Variants in NRG1 observed in about 807,000 individuals in gnomAD.
The protein encoded by NRG1 is neuregulin 1, also known as pro-neuregulin-1, membrane-bound isoform.
In NRG1, 18 loss-of-function variants were observed where a neutral mutation model predicts 63.8. The ratio of observed to expected loss-of-function variants is 0.28; its 90% CI spans 0.19 to 0.42. The LOEUF (loss-of-function observed/expected upper bound fraction) is 0.42. Ranked by LOEUF, NRG1 falls within the 10% of genes least tolerant of loss-of-function variation. The pLI is 1.00. For missense variants in NRG1, 762 were observed against 814.7 expected (o/e 0.94, Z 0.79); for synonymous variants, 302 against 301.3 (o/e 1.00, Z -0.02).
chr8:32,709,332 C>A (rs1391612320), intron 5 of NRG1, among the ~76,000 whole-genome samples: 2 of 152,142 alleles, frequency 1.3e-5, no homozygotes, highest in African/African-American at 4.8e-5. Flanking sequence ...TTCTGTGATT[C>A]TCAGATTTCT....
chr8:31,855,902 G>A (rs1275920590), intron 1 of NRG1, among the ~76,000 whole-genome samples: 1 of 151,912 alleles, frequency 6.6e-6, no homozygotes, highest in Non-Finnish European at 1.5e-5. Flanking sequence ...GAAATTCTGG[G>A]TTGAAAATTC....
intron 1 of NRG1, among the ~76,000 whole-genome samples, chr8:32,421,146 T>C (rs1816659596): frequency 6.6e-6 from 1 of 152,214 alleles, no homozygotes; most frequent in African/African-American, 2.4e-5. Context: ...TACACTCATC[T>C]TTTGAATACA....
intron 1 of NRG1, among the ~76,000 whole-genome samples, chr8:32,284,967 A>G (rs1377176587): frequency 6.6e-6 from 1 of 152,180 alleles, no homozygotes; most frequent in Non-Finnish European, 1.5e-5. Context: ...TTGGTGGTGG[A>G]TAACATTTTC....
At chr8:32,650,045 A>G (rs1854656637) in intron 5 of NRG1, among the ~76,000 whole-genome samples, 1 of 152,226 alleles carries the variant, frequency 6.6e-6, no homozygotes, top group South Asian at 2.1e-4. Context: ...AAAACACTTC[A>G]ACTAAATTCT....
intron 1 of NRG1, chr8:32,221,276 T>A (rs1005929699): frequency 6.6e-6 from 1 of 152,184 alleles, no homozygotes; most frequent in African/African-American, 2.4e-5. Flanking sequence ...TAGCATGCAT[T>A]TTGTCATCCA....
Position 31,882,411 on chromosome 8 carries a change from C to T in NRG1, c.37+242980C>T, listed in dbSNP as rs188128639. On this transcript the variant is annotated intron_variant, in intron 1 of 10. Coordinates refer to the NRG1 transcript ENST00000519301. ...CAATACACCTGGTCACTCAAGAGCT[C>T]TGATGGAGATGTACAAGAAGGTGAA... Among the ~76,000 whole-genome samples the T allele has an allele frequency of 5.1e-4, 77 of 150,884 alleles. 1 individual carries two copies. Among genetic ancestry groups the T allele is most frequent in the African/African-American group, 1.6e-3 (67 of 41,008 alleles).
chr8:31,662,261 C>T (rs955026952), intron 1 of NRG1, among the ~76,000 whole-genome samples: 3 of 152,146 alleles, frequency 2.0e-5, no homozygotes, highest in Non-Finnish European at 2.9e-5. Flanking sequence ...AGCATTTGTG[C>T]ACTTTTCTTC....
At chr8:32,306,566 G>A (rs10098372) in intron 1 of NRG1, among the ~76,000 whole-genome samples, 7,781 of 152,084 alleles carry the variant, frequency 0.051, 503 homozygotes, top group African/African-American at 0.15. Flanking sequence ...ATGACACTGT[G>A]GTTTATTAAA....
chr8:31,719,590 A>T (rs984713627), intron 1 of NRG1, among the ~76,000 whole-genome samples: 2 of 152,200 alleles, frequency 1.3e-5, no homozygotes, highest in African/African-American at 4.8e-5. Context: ...CTTTGAAAGC[A>T]TCAAATCGCT....
chr8:32,445,569 CCT>C (rs1243039900), intron 1 of NRG1, among the ~76,000 whole-genome samples: 3 of 152,040 alleles, frequency 2.0e-5, no homozygotes, highest in Non-Finnish European at 4.4e-5. Context: ...AAATATTAGC[CCT>C]GATTCAAAAT....
intron 1 of NRG1, among the ~76,000 whole-genome samples, chr8:32,307,202 A>T (rs1189811425): frequency 1.3e-5 from 2 of 152,222 alleles, no homozygotes; most frequent in Non-Finnish European, 2.9e-5. Flanking sequence ...GACCCTCTTT[A>T]TCCCGGAGAG....
chr8:32,317,118 C>G (rs1427719828), intron 1 of NRG1, among the ~76,000 whole-genome samples: 1 of 152,170 alleles, frequency 6.6e-6, no homozygotes, highest in South Asian at 2.1e-4. Flanking sequence ...ACGTTCTCTC[C>G]ATGATTTAGC....
chr8:32,304,026 A>G (rs1212730001), intron 1 of NRG1, among the ~76,000 whole-genome samples: 1 of 152,208 alleles, frequency 6.6e-6, no homozygotes, highest in Non-Finnish European at 1.5e-5. Context: ...GTTGACTACA[A>G]AAAAAACTCA....
rs536557456 is a variant in NRG1 at position 32,193,951 on chromosome 8, G to A, written c.38-401877G>A. Reference sequence around the variant, plus strand: ...TTCTCTAGCACCTGCAGAGGAAGCAGCCCTGTGGACACCTTGATCTCAAAC... The same window carrying A: ...TTCTCTAGCACCTGCAGAGGAAGCAACCCTGTGGACACCTTGATCTCAAAC... On this transcript the variant is annotated intron_variant, in intron 1 of 10. Coordinates refer to the NRG1 transcript ENST00000519301. 1.2e-4 allele frequency among the ~76,000 whole-genome samples: 19 copies of A among 152,352 alleles called. No individual in the cohort carries two copies. The East Asian group carries it at 3.5e-3, about 28-fold the overall frequency.
At chr8:32,613,689 T>C (rs914651912) in intron 3 of NRG1, among the ~76,000 whole-genome samples, 3 of 151,960 alleles carry the variant, frequency 2.0e-5, no homozygotes, top group Non-Finnish European at 2.9e-5. Context: ...GCAAGACTTA[T>C]GACACAGTGA....
intron 1 of NRG1, among the ~76,000 whole-genome samples, chr8:31,793,323 G>A (rs147996932): frequency 6.6e-6 from 1 of 152,272 alleles, no homozygotes; most frequent in East Asian, 1.9e-4. Flanking sequence ...GAAGTCCTTT[G>A]GGATGACATT....
intron 1 of NRG1, among the ~76,000 whole-genome samples, chr8:32,060,618 T>G (rs948511461): frequency 6.6e-6 from 1 of 152,024 alleles, no homozygotes; most frequent in Non-Finnish European, 1.5e-5. Flanking sequence ...TTCCTGCTGT[T>G]TGTTTCCCAA....
At chr8:32,355,156 A>G (rs907992571) in intron 1 of NRG1, among the ~76,000 whole-genome samples, 1 of 152,204 alleles carries the variant, frequency 6.6e-6, no homozygotes, top group African/African-American at 2.4e-5. Context: ...AACAAATTAC[A>G]AAATTGAAAG....
At chr8:32,508,457 G>GTT (rs34925580) in intron 1 of NRG1, among the ~76,000 whole-genome samples, 3 of 143,856 alleles carry the variant, frequency 2.1e-5, no homozygotes, top group African/African-American at 7.7e-5. Context: ...TACCCAGCTA[G>GTT]TTTTTTTTTT....
Sources: allele counts gnomAD v4.1 joint callset (sites outside exome capture counted in the v4.1 genomes callset), GRCh38; gene constraint gnomAD v4.1.1; transcripts MANE v1.5; gene names NCBI Gene and HGNC (gene_info 2026-07-23, HGNC 2026-07-21).